Variants in ACTL8 observed in about 807,000 individuals in gnomAD.
ACTL8 encodes actin like 8, also known as actin-like protein 8.
A neutral mutation model predicts 9.3 loss-of-function variants in ACTL8; 3 were observed. The ratio of observed to expected loss-of-function variants is 0.32; its 90% CI spans 0.15 to 0.83. The LOEUF (loss-of-function observed/expected upper bound fraction) is 0.83. ACTL8 is among the 40% of genes least tolerant of loss of function. The pLI, the probability that ACTL8 is intolerant of heterozygous loss-of-function variation, is 0.57. For synonymous variants in ACTL8, 224 were observed against 205.9 expected (o/e 1.09, Z -0.75); for missense variants, 381 against 492.2 (o/e 0.77, Z 2.14).
At position 17,780,852 on chromosome 1, in the gene ACTL8, A is replaced by T. The variant is rs1229294680; in HGVS notation, c.-25+25348A>T. ...AGGGAGCCCTGGCCTGGACATTCAG[A>T]TTTGGCAACTGCTGGTCTGTATCCG... is the stretch of plus-strand genomic sequence containing the variant. On this transcript the variant is annotated intron_variant, in intron 1 of 2. Coordinates refer to ENST00000375406, the MANE Select transcript of ACTL8 (RefSeq NM_030812.3). 2.0e-5 allele frequency among the ~76,000 whole-genome samples: 3 copies of T among 152,052 alleles called. No homozygotes were observed. The East Asian group carries it at 5.8e-4, about 29-fold the overall frequency.
intron 1 of ACTL8, among the ~76,000 whole-genome samples, chr1:17,803,611 G>A (rs772029090): frequency 2.4e-4 from 36 of 152,230 alleles, no homozygotes; most frequent in Non-Finnish European, 1.6e-4. Flanking sequence ...GATGATAGGC[G>A]TGAGCCACTG....
chr1:17,823,152 T>C lies in ACTL8; in HGVS notation c.144T>C (p.Arg48=), dbSNP rs1028750436. 6.8e-6 allele frequency: 11 copies of C among 1,614,120 alleles called. No homozygotes were observed. Among genetic ancestry groups the C allele is most frequent in the Non-Finnish European group, 8.5e-6 (10 of 1,180,056 alleles). ...AGAACCCTGGCCCCAGCTATGCCCG[T>C]AGGCGTGTGAGCCTGGGCATCGACA... ...CKENPGPSYA[R]RRVSLGIDIC... The change falls in exon 2 of 3, where the codon CGT becomes CGC. Residue 48 remains arginine, a synonymous_variant. Coordinates refer to ENST00000375406, the MANE Select transcript of ACTL8 (RefSeq NM_030812.3). The surrounding 1 kb of genome is among the most constrained non-coding windows in gnomAD (Gnocchi z 5.3).
chr1:17,792,989 A>T (rs192167408), intron 1 of ACTL8, among the ~76,000 whole-genome samples: 2 of 152,302 alleles, frequency 1.3e-5, no homozygotes, highest in Non-Finnish European at 2.9e-5. Flanking sequence ...TGGGAACCAA[A>T]GGCTTCTTGC....
rs1250082712 is a variant in ACTL8 at position 17,755,367 on chromosome 1, T to G, written c.-162T>G. Reference sequence around the variant, plus strand: ...GCTGCGGCACCACGTGCAGCCGCTCTCGTGCAGGCGTTTGCAGTGTGCAGC... The same window carrying G: ...GCTGCGGCACCACGTGCAGCCGCTCGCGTGCAGGCGTTTGCAGTGTGCAGC... On this transcript the variant is annotated 5_prime_UTR_variant, in exon 1 of 3. Transcript: ENST00000375406. The G allele has an allele frequency of 6.6e-6, 1 of 152,214 alleles. No homozygotes were observed. The highest frequency in any genetic ancestry group is 1.5e-5 in the Non-Finnish European group (1 of 68,028). The allele number at this position is 152,214 out of a possible 1,614,324, so 9.4% of individuals were successfully genotyped here.
chr1:17,800,475 T>C (rs1451831526), intron 1 of ACTL8, among the ~76,000 whole-genome samples: 2 of 152,128 alleles, frequency 1.3e-5, no homozygotes, highest in Admixed American at 1.3e-4. Context: ...CTGTCTCTTC[T>C]TCCAGTTATT....
intron 1 of ACTL8, among the ~76,000 whole-genome samples, chr1:17,796,868 A>G (rs772415440): frequency 3.3e-5 from 5 of 152,218 alleles, no homozygotes; most frequent in African/African-American, 4.8e-5. Context: ...GGGAATTTCT[A>G]GAATGATAGA....
At chr1:17,764,441 C>A (rs2066029907) in intron 1 of ACTL8, among the ~76,000 whole-genome samples, 1 of 152,160 alleles carries the variant, frequency 6.6e-6, no homozygotes, top group Non-Finnish European at 1.5e-5. Flanking sequence ...TTCTTTCCAG[C>A]CCAATGTTTC....
chr1:17,787,431 A>AT (rs2066205517), intron 1 of ACTL8, among the ~76,000 whole-genome samples: 1 of 151,612 alleles, frequency 6.6e-6, no homozygotes, highest in Admixed American at 6.6e-5. Flanking sequence ...GCCCAGCTAA[A>AT]TTTTTTTCTG....
chr1:17,802,424 C>CGTGT (rs72387933), intron 1 of ACTL8, among the ~76,000 whole-genome samples: 315 of 146,686 alleles, frequency 2.1e-3, no homozygotes, highest in African/African-American at 5.0e-3. Flanking sequence ...ACTGTGCGTG[C>CGTGT]GTGTGTGTGT....
chr1:17,823,440 T>G lies in ACTL8; in HGVS notation c.348+84T>G. 3 of 1,355,846 alleles carry G rather than the reference T, an allele frequency of 2.2e-6. No homozygotes were observed. Among genetic ancestry groups the G allele is most frequent in the Non-Finnish European group, 3.0e-6 (3 of 1,003,552 alleles). 84.0% of individuals were successfully genotyped at this position (1,355,846 alleles called of 1,614,324 possible). On this transcript the variant is annotated intron_variant, in intron 2 of 2. Transcript: ENST00000375406. The surrounding 1 kb of genome is among the most constrained non-coding windows in gnomAD (Gnocchi z 5.3). The stretch of plus-strand genomic sequence containing the variant: ...TGGACTGATTGGGCACCAGGAATTC[T>G]GCTTTTTAAGATAAATTGCCAACCA...
At chr1:17,763,993 T>C (rs567084722) in intron 1 of ACTL8, among the ~76,000 whole-genome samples, 1 of 152,248 alleles carries the variant, frequency 6.6e-6, no homozygotes, top group East Asian at 1.9e-4. Flanking sequence ...ATCATGATAA[T>C]CATTATTTTT....
At chr1:17,801,497 ATGAG>A (rs143548570) in intron 1 of ACTL8, among the ~76,000 whole-genome samples, 3,077 of 152,340 alleles carry the variant, frequency 0.02, 113 homozygotes, top group African/African-American at 0.07. Context: ...AGATAGTTGG[ATGAG>A]TAATAGTCAT....
chr1:17,799,823 C>T (rs879789225), intron 1 of ACTL8, among the ~76,000 whole-genome samples: 4 of 151,946 alleles, frequency 2.6e-5, no homozygotes, highest in Non-Finnish European at 4.4e-5. Context: ...ATCAGCTCCG[C>T]CCCCGCCCCC....
chr1:17,756,501 G>A (rs995698473), intron 1 of ACTL8, among the ~76,000 whole-genome samples: 36 of 152,114 alleles, frequency 2.4e-4, no homozygotes, highest in Admixed American at 2.2e-3. Context: ...ATTAATTATC[G>A]TTCTCTTTAC....
At chr1:17,789,829 A>G (rs1427888716) in intron 1 of ACTL8, among the ~76,000 whole-genome samples, 1 of 151,688 alleles carries the variant, frequency 6.6e-6, no homozygotes, top group Non-Finnish European at 1.5e-5. Context: ...TTGTTATAGG[A>G]CCTTTGGGGT....
chr1:17,802,331 G>A (rs1052468407), intron 1 of ACTL8, among the ~76,000 whole-genome samples: 3 of 152,074 alleles, frequency 2.0e-5, no homozygotes, highest in Admixed American at 1.3e-4. Flanking sequence ...GTGTTTCCCT[G>A]GGCCCTGAAT....
At chr1:17,793,367 T>C (rs1472026223) in intron 1 of ACTL8, among the ~76,000 whole-genome samples, 1 of 152,254 alleles carries the variant, frequency 6.6e-6, no homozygotes, top group Non-Finnish European at 1.5e-5. Flanking sequence ...AAAGGTTTTA[T>C]CTGCGCAGCT....
chr1:17,764,348 G>A (rs1230554953), intron 1 of ACTL8, among the ~76,000 whole-genome samples: 1 of 152,228 alleles, frequency 6.6e-6, no homozygotes, highest in Non-Finnish European at 1.5e-5. Flanking sequence ...CACATAGTTG[G>A]CTCTCTATAA....
chr1:17,783,979 G>T (rs1169571686), intron 1 of ACTL8, among the ~76,000 whole-genome samples: 2 of 152,196 alleles, frequency 1.3e-5, no homozygotes, highest in African/African-American at 4.8e-5. Flanking sequence ...AGACTTGGCC[G>T]AGCTGCTTAA....
Sources: gnomAD v4.1 joint callset for allele counts (sites outside exome capture counted in the v4.1 genomes callset) on GRCh38, gnomAD v4.1.1 for gene constraint, Gnocchi (gnomAD v3.1) non-coding constraint, MANE v1.5 for transcripts, NCBI Gene and HGNC (gene_info 2026-07-23, HGNC 2026-07-21) for gene names.